MYL10: variants seen among roughly 807,000 people sequenced by gnomAD.
MYL10 encodes the protein myosin light chain 10, also known as myosin regulatory light chain 10.
In MYL10, 18 loss-of-function variants were observed where a neutral mutation model predicts 21.9. The observed-to-expected ratio is 0.82, with a 90% CI of 0.57 to 1.22. The LOEUF (loss-of-function observed/expected upper bound fraction) is 1.22, where lower values mean the gene tolerates loss of function less well. MYL10 is among the 50% of genes most tolerant of loss of function. MYL10 has a pLI of 0.00. For missense variants in MYL10, 225 were observed against 230.4 expected (o/e 0.98, Z 0.15); for synonymous variants, 88 against 82.8 (o/e 1.06, Z -0.34).
intron 1 of MYL10, among the ~76,000 whole-genome samples, chr7:101,625,611 A>C (rs957961654): frequency 6.6e-6 from 1 of 150,498 alleles, no homozygotes; most frequent in Non-Finnish European, 1.5e-5. Context: ...CGTCGAGGGC[A>C]GGGGCAGAAG....
chr7:101,615,503 C>T (rs2130735017), intron 6 of MYL10, among the ~76,000 whole-genome samples: 1 of 150,224 alleles, frequency 6.7e-6, no homozygotes, highest in South Asian at 2.2e-4. Context: ...CCACCTCCAC[C>T]CGCACCCTCC....
chr7:101,618,775 C>T (rs919425456), intron 5 of MYL10, among the ~76,000 whole-genome samples: 5 of 152,084 alleles, frequency 3.3e-5, no homozygotes, highest in African/African-American at 9.7e-5. Context: ...CAGGCTCAGC[C>T]GGAGCCCCAG....
intron 5 of MYL10, among the ~76,000 whole-genome samples, chr7:101,619,747 G>A (rs1584538826): frequency 1.3e-5 from 2 of 151,914 alleles, no homozygotes; most frequent in East Asian, 1.9e-4. Context: ...AAAATTAGAC[G>A]AGCGTGGTGG....
intron 2 of MYL10, 40 bp downstream of exon 2, chr7:101,624,132 C>T: frequency 7.4e-7 from 1 of 1,351,648 alleles, no homozygotes; most frequent in African/African-American, 1.4e-5. Flanking sequence ...GCATGCATTC[C>T]AAGAATCCTC....
chr7:101,621,186 C>T (rs1796673156), intron 5 of MYL10, among the ~76,000 whole-genome samples: 1 of 152,050 alleles, frequency 6.6e-6, no homozygotes, highest in Non-Finnish European at 1.5e-5. Flanking sequence ...CAGATGGCTC[C>T]AACCCTCCAC....
chr7:101,628,727 G>A (rs775469286), intron 1 of MYL10, among the ~76,000 whole-genome samples: 16 of 152,220 alleles, frequency 1.1e-4, no homozygotes, highest in East Asian at 3.9e-4. Context: ...TGCCAGGGCC[G>A]GCAGTGCTGG....
Position 101,623,011 on chromosome 7 carries a change from G to C in MYL10, c.335C>G (p.Thr112Ser), listed in dbSNP as rs144539367. The change falls in exon 4 of 8, where the codon ACC becomes AGC. Residue 112 changes from threonine to serine, a missense_variant. Thr to Ser is a moderately conservative substitution (Grantham distance 58, BLOSUM62 1). Coordinates refer to ENST00000223167, the MANE Select transcript of MYL10 (RefSeq NM_138403.5). ...GFIDKEDLRD[T>S]FAALGRINVK... is the part of the protein sequence containing the mutation. ...GGCTCACCCACCCAGCGCGGCAAAG[G>C]TGTCCCTCAAGTCCTCTTTGTCGAT... 3.3e-4 allele frequency: 527 copies of C among 1,613,882 alleles called. 2 individuals carry two copies. The highest frequency in any genetic ancestry group is 1.3e-3 in the Middle Eastern group (8 of 6,082).
chr7:101,619,734 A>C (rs1218665806), intron 5 of MYL10, among the ~76,000 whole-genome samples: 1 of 151,932 alleles, frequency 6.6e-6, no homozygotes, highest in Non-Finnish European at 1.5e-5. Context: ...CTAAAAATAC[A>C]AAAAAATTAG....
In MYL10 at chr7:101,623,005, G is replaced by T. The variant is rs746597002; in HGVS notation, c.341C>A (p.Ala114Asp). ...IDKEDLRDTF[A>D]ALGRINVKNE... ...GCTGCTGGCTCACCCACCCAGCGCGGCAAAGGTGTCCCTCAAGTCCTCTTT... is the reference window on the plus strand; with the variant it reads ...GCTGCTGGCTCACCCACCCAGCGCGTCAAAGGTGTCCCTCAAGTCCTCTTT... The change falls in exon 4 of 8, where the codon GCC becomes GAC. Residue 114 changes from alanine (A) to aspartate (D), a missense_variant. Transcript: ENST00000223167. 6.2e-7 allele frequency: 1 copy of T among 1,613,872 alleles called. No individual in the cohort carries two copies. Among genetic ancestry groups the T allele is most frequent in the Admixed American group, 1.7e-5 (1 of 60,022 alleles).
At chr7:101,618,441 G>A (rs1411369586) in intron 5 of MYL10, among the ~76,000 whole-genome samples, 1 of 152,208 alleles carries the variant, frequency 6.6e-6, no homozygotes, top group Non-Finnish European at 1.5e-5. Flanking sequence ...CACTGCTGAG[G>A]CAGGTTTGTG....
rs540771154 is a variant in MYL10, at chr7:101,623,002, G to A, written c.344C>T (p.Ala115Val). The change falls in exon 4 of 8, where the codon GCG becomes GTG. Residue 115 changes from alanine to valine, a missense_variant. Ala to Val is a moderately conservative substitution (Grantham distance 64). Coordinates refer to ENST00000223167, the MANE Select transcript of MYL10 (RefSeq NM_138403.5). ...DKEDLRDTFA[A>V]LGRINVKNEE... The stretch of plus-strand genomic sequence containing the variant: ...CCGGCTGCTGGCTCACCCACCCAGC[G>A]CGGCAAAGGTGTCCCTCAAGTCCTC... 46 of 1,613,740 alleles carry A rather than the reference G, an allele frequency of 2.9e-5. 1 individual carries two copies. Among genetic ancestry groups the A allele is most frequent in the South Asian group, 2.4e-4 (22 of 91,076 alleles).
intron 3 of MYL10, among the ~76,000 whole-genome samples, chr7:101,623,717 A>C (rs1034297886): frequency 1.4e-5 from 2 of 138,998 alleles, no homozygotes; most frequent in East Asian, 4.2e-4. Context: ...AAAAAAAAAA[A>C]CCTAATCATT....
chr7:101,621,770 G>A (rs1796680670), intron 5 of MYL10, among the ~76,000 whole-genome samples: 1 of 152,110 alleles, frequency 6.6e-6, no homozygotes. Context: ...TGTATTAGTA[G>A]AGATGAAGTT....
chr7:101,622,854 T>G, intron 4 of MYL10, 143 bp downstream of exon 4: 5 of 567,236 alleles, frequency 8.8e-6, no homozygotes, highest in East Asian at 8.7e-5. Flanking sequence ...CCCCCTGACT[T>G]TCCAGACAGT....
chr7:101,614,634 A>G (rs1796587544), intron 6 of MYL10, among the ~76,000 whole-genome samples: 1 of 152,158 alleles, frequency 6.6e-6, no homozygotes, highest in Non-Finnish European at 1.5e-5. Context: ...CCAGGTCCCC[A>G]GGATGGAGGT....
At chr7:101,618,428 C>A (rs539143850) in intron 5 of MYL10, among the ~76,000 whole-genome samples, 1 of 152,336 alleles carries the variant, frequency 6.6e-6, no homozygotes, top group East Asian at 1.9e-4. Flanking sequence ...TTTGAAGAGG[C>A]CTCACTGCTG....
Position 101,613,717 on chromosome 7 carries a change from A to G in MYL10, c.534-7T>C. The G allele has an allele frequency of 1.9e-6, 3 of 1,614,078 alleles. No homozygotes were observed. Among genetic ancestry groups the G allele is most frequent in the Non-Finnish European group, 2.5e-6 (3 of 1,179,988 alleles). On this transcript the variant is annotated splice_polypyrimidine_tract_variant and splice_region_variant and intron_variant, in intron 6 of 7. Coordinates refer to ENST00000223167, the MANE Select transcript of MYL10 (RefSeq NM_138403.5). ...CATAAGTTTTTCTTTGATGCTGTTCAAGGGAGAGACACAGTCATGTTCAGG... is the reference window on the plus strand; with the variant it reads ...CATAAGTTTTTCTTTGATGCTGTTCGAGGGAGAGACACAGTCATGTTCAGG...
intron 6 of MYL10, 70 bp from the exon 7 acceptor site, chr7:101,613,780 G>T (rs1476213959): frequency 1.4e-6 from 2 of 1,470,846 alleles, no homozygotes; most frequent in African/African-American, 1.4e-5. Context: ...GATCCCAGGG[G>T]TGATGAGGGG....
intron 5 of MYL10, among the ~76,000 whole-genome samples, chr7:101,617,352 C>T (rs1052502013): frequency 6.6e-6 from 1 of 152,200 alleles, no homozygotes; most frequent in Admixed American, 6.5e-5. Context: ...GATTTTATCC[C>T]CTGGAGCTCT....
Sources: allele counts gnomAD v4.1 joint callset (sites outside exome capture counted in the v4.1 genomes callset), GRCh38; gene constraint gnomAD v4.1.1; transcripts MANE v1.5; gene names NCBI Gene and HGNC (gene_info 2026-07-23, HGNC 2026-07-21).